Variants in NSD1 observed in about 807,000 individuals in gnomAD.
NSD1 encodes histone-lysine N-methyltransferase, H3 lysine-36 specific.
NSD1 carries 26 observed loss-of-function variants against 242.7 expected under a neutral mutation model. The observed-to-expected ratio is 0.11, with a 90% CI of 0.08 to 0.15. The LOEUF (loss-of-function observed/expected upper bound fraction) is 0.15, where lower values mean the gene tolerates loss of function less well. NSD1 is among the 10% of genes least tolerant of loss of function. NSD1 has a pLI of 1.00. For synonymous variants in NSD1, 1,106 were observed against 1,178.1 expected (o/e 0.94, Z 1.25); for missense variants, 2,495 against 3,272.8 (o/e 0.76, Z 5.80).
chr5:177,257,183 G>A (rs1394398964), intron 13 of NSD1, 32 bp downstream of exon 13: 11 of 1,384,398 alleles, frequency 7.9e-6, no homozygotes, highest in Non-Finnish European at 1.1e-5. Context: ...CAGTCTAATT[G>A]TAAAACCTCA....
At chr5:177,253,154 A>C (rs1234757704) in intron 12 of NSD1, among the ~76,000 whole-genome samples, 4 of 152,102 alleles carry the variant, frequency 2.6e-5, no homozygotes, top group Admixed American at 2.6e-4. Context: ...TTGCCAGAGG[A>C]TGTCTCATTA....
chr5:177,132,156 G>T (rs1434052491), upstream of NSD1, among the ~76,000 whole-genome samples: 1 of 152,134 alleles, frequency 6.6e-6, no homozygotes, highest in Non-Finnish European at 1.5e-5. The surrounding 1 kb of genome is among the most constrained non-coding windows in gnomAD (Gnocchi z 7.5). Flanking sequence ...TGCGCCAGCG[G>T]GCTTGTCCCG....
At chr5:177,185,448 A>G (rs2149812892) in intron 2 of NSD1, among the ~76,000 whole-genome samples, 1 of 151,274 alleles carries the variant, frequency 6.6e-6, no homozygotes, top group South Asian at 2.1e-4. Context: ...AAATACAAAA[A>G]TTAGCCGGGC....
At chr5:177,144,002 G>A (rs1446413590) in intron 2 of NSD1, among the ~76,000 whole-genome samples, 1 of 151,920 alleles carries the variant, frequency 6.6e-6, no homozygotes, top group African/African-American at 2.4e-5. Flanking sequence ...CAGGCTGGTC[G>A]AACTCCTGAC....
intron 22 of NSD1, among the ~76,000 whole-genome samples, chr5:177,293,540 C>CT (rs1345365909): frequency 6.9e-6 from 1 of 145,190 alleles, no homozygotes; most frequent in Admixed American, 6.8e-5. Flanking sequence ...CCCCGCCCCC[C>CT]CCTCACCTCC....
chr5:177,237,829 A>T (rs1034687699), intron 6 of NSD1, among the ~76,000 whole-genome samples: 1 of 152,132 alleles, frequency 6.6e-6, no homozygotes, highest in Non-Finnish European at 1.5e-5. Context: ...CACCACGCCC[A>T]GCCTATTTTA....
intron 5 of NSD1, among the ~76,000 whole-genome samples, chr5:177,222,383 G>A (rs1764308739): frequency 6.6e-6 from 1 of 152,102 alleles, no homozygotes; most frequent in Non-Finnish European, 1.5e-5. Context: ...GAATTCCTGG[G>A]TCATTTGGTT....
chr5:177,193,132 GATTT>G (rs1761832474), intron 3 of NSD1, among the ~76,000 whole-genome samples: 1 of 151,960 alleles, frequency 6.6e-6, no homozygotes, highest in Non-Finnish European at 1.5e-5. Flanking sequence ...GCTGAAACTT[GATTT>G]ATTTTTATTT....
intron 11 of NSD1, among the ~76,000 whole-genome samples, chr5:177,250,190 A>T (rs1755825400): frequency 6.6e-6 from 1 of 152,214 alleles, no homozygotes; most frequent in Non-Finnish European, 1.5e-5. Context: ...TTCTTTGCCT[A>T]TTATCTTCAC....
At chr5:177,181,788 G>A (rs1190452122) in intron 2 of NSD1, among the ~76,000 whole-genome samples, 1 of 151,530 alleles carries the variant, frequency 6.6e-6, no homozygotes, top group Non-Finnish European at 1.5e-5. Context: ...TGTAATCCCA[G>A]CACCTTGAGA....
chr5:177,256,368 C>T (rs780782727), intron 12 of NSD1, among the ~76,000 whole-genome samples: 1 of 151,252 alleles, frequency 6.6e-6, no homozygotes, highest in Non-Finnish European at 1.5e-5. Flanking sequence ...AGTAAACCTC[C>T]ACCTTCCAGG....
rs1384307884 is a variant in NSD1, at chr5:177,300,060, C to CA, written c.*4601_*4602insA. 2.2e-5 allele frequency: 3 copies of CA among 137,686 alleles called. No homozygotes were observed. Among genetic ancestry groups the CA allele is most frequent in the Non-Finnish European group, 3.9e-5 (3 of 77,250 alleles). 8.5% of individuals were successfully genotyped at this position (137,686 alleles called of 1,614,324 possible). A position where few individuals can be genotyped will look rare whatever the true frequency, so the allele number is the denominator to read the frequency against. ...TCCATCATTGCTTTTTTGCCGCGCC[C>CA]CCCCCCCCCCGCCCCCATAGATTGT... On this transcript the variant is annotated 3_prime_UTR_variant, in exon 23 of 23. Transcript: ENST00000439151.
intron 17 of NSD1, among the ~76,000 whole-genome samples, chr5:177,277,324 C>G (rs1244167270): frequency 1.3e-5 from 2 of 152,126 alleles, no homozygotes; most frequent in Admixed American, 6.6e-5. Flanking sequence ...ATTCAACTTT[C>G]AATCAGTATC....
chr5:177,260,339 C>CTTT (rs1174250871), intron 14 of NSD1, among the ~76,000 whole-genome samples, 171 bp downstream of exon 14: 1,375 of 85,734 alleles, frequency 0.016, 13 homozygotes, highest in Non-Finnish European at 0.022. Context: ...CATAGCAGAA[C>CTTT]TTTTTTTTTT....
intron 2 of NSD1, among the ~76,000 whole-genome samples, chr5:177,181,427 G>GTTGTTTTTTTTT (rs1554183366): frequency 9.4e-5 from 11 of 117,334 alleles, no homozygotes; most frequent in African/African-American, 4.0e-4. Flanking sequence ...TTTTTTTTTG[G>GTTGTTTTTTTTT]TTTTTTTTTT....
intron 3 of NSD1, among the ~76,000 whole-genome samples, chr5:177,203,614 C>T (rs1204653229): frequency 6.6e-6 from 1 of 152,150 alleles, no homozygotes; most frequent in African/African-American, 2.4e-5. Flanking sequence ...TTGTGTGGTG[C>T]TCGTCTATGA....
intron 21 of NSD1, among the ~76,000 whole-genome samples, chr5:177,291,392 C>T (rs1245072657): frequency 6.6e-6 from 1 of 152,190 alleles, no homozygotes; most frequent in Admixed American, 6.5e-5. Context: ...CGGTGGCTCA[C>T]GCCTGTAATC....
At chr5:177,275,025 C>T (rs1249079890) in intron 17 of NSD1, among the ~76,000 whole-genome samples, 15 of 151,628 alleles carry the variant, frequency 9.9e-5, no homozygotes, top group Admixed American at 5.9e-4. Context: ...TGAGCCACCA[C>T]GCCCGGCTGT....
intron 2 of NSD1, among the ~76,000 whole-genome samples, chr5:177,144,221 T>G (rs914568680): frequency 5.5e-5 from 7 of 128,420 alleles, no homozygotes; most frequent in African/African-American, 8.2e-5. Context: ...TATTTTTGAG[T>G]TTTTTTTTTT....
Sources: gnomAD v4.1 joint callset for allele counts (sites outside exome capture counted in the v4.1 genomes callset) on GRCh38, gnomAD v4.1.1 for gene constraint, Gnocchi (gnomAD v3.1) non-coding constraint, MANE v1.5 for transcripts, NCBI Gene and HGNC (gene_info 2026-07-23, HGNC 2026-07-21) for gene names.